GALNT14: variants seen among roughly 807,000 people sequenced by gnomAD.
GALNT14 encodes the protein UDP-GalNAc:polypeptide N-acetylgalactosaminyltransferase 14.
Under a neutral mutation model 77.5 loss-of-function variants are expected in GALNT14, and 60 were observed. The observed-to-expected ratio is 0.77, with a 90% CI of 0.63 to 0.96. The LOEUF is 0.96. GALNT14 is among the 40% of genes least tolerant of loss of function. The pLI is 0.00. For missense variants in GALNT14, 710 were observed against 731.0 expected, an observed-to-expected ratio of 0.97 and a Z score of 0.33; for synonymous variants, 280 against 281.7, an observed-to-expected ratio of 0.99 and a Z score of 0.06.
intron 1 of GALNT14, among the ~76,000 whole-genome samples, chr2:31,035,553 A>ATGTGTGTGTGTG (rs573163116): frequency 0.019 from 2,483 of 129,480 alleles, 79 homozygotes; most frequent in East Asian, 0.045. Context: ...GATAAAGAAA[A>ATGTGTGTGTGTG]TGTGTGTGTG....
Position 30,955,917 on chromosome 2 carries a change from C to A in GALNT14, c.527G>T (p.Arg176Leu), listed in dbSNP as rs141212440. The change falls in exon 5 of 15, where the codon CGG becomes CTG. Residue 176 changes from arginine to leucine, a missense_variant. Arg to Leu is a moderately radical substitution (Grantham distance 102, BLOSUM62 -2). Coordinates refer to ENST00000349752, the MANE Select transcript of GALNT14 (RefSeq NM_024572.4). The part of the protein sequence containing the change: ...PKVKCLRNNE[R>L]QGLVRSRIRG... ...GCACAACAGCTCAGACCTACCTTGC[C>A]GTTCATTATTGCGCAAGCATTTCAC... is the stretch of plus-strand genomic sequence containing the variant. The A allele has an allele frequency of 6.2e-7, 1 of 1,613,856 alleles. No individual in the cohort carries two copies. Among genetic ancestry groups the A allele is most frequent in the African/African-American group, 1.3e-5 (1 of 74,920 alleles).
chr2:31,114,835 C>T, intron 1 of GALNT14: 1 of 716,672 alleles, frequency 1.4e-6, no homozygotes, highest in East Asian at 2.7e-5. Flanking sequence ...CTCCTAAGTC[C>T]CAAAGATAAG....
At chr2:30,988,412 C>G (rs558506871) in intron 2 of GALNT14, among the ~76,000 whole-genome samples, 1 of 152,034 alleles carries the variant, frequency 6.6e-6, no homozygotes, top group African/African-American at 2.4e-5. Flanking sequence ...AGGAGCTTCT[C>G]GGTAGAGGTG....
chr2:31,041,382 G>A (rs1673084842), intron 1 of GALNT14, among the ~76,000 whole-genome samples: 1 of 152,148 alleles, frequency 6.6e-6, no homozygotes, highest in Non-Finnish European at 1.5e-5. Flanking sequence ...AAGAAGATGA[G>A]GTGCTTGGGC....
At chr2:30,901,250 G>C in the GALNT14 span, among the ~76,000 whole-genome samples, 2 of 152,196 alleles carry the variant, frequency 1.3e-5, no homozygotes, top group South Asian at 4.1e-4. Context: ...AGTACAGAAG[G>C]AAACTGTGAG....
chr2:30,945,464 T>C (rs1666632500), intron 7 of GALNT14, among the ~76,000 whole-genome samples: 1 of 152,204 alleles, frequency 6.6e-6, no homozygotes, highest in Non-Finnish European at 1.5e-5. Context: ...GAGAGGGTGG[T>C]GCCCACTGCT....
intron 1 of GALNT14, among the ~76,000 whole-genome samples, chr2:31,073,489 G>C (rs942689396): frequency 7.2e-5 from 11 of 152,098 alleles, no homozygotes; most frequent in Admixed American, 1.3e-4. Context: ...ATAAAGAGGG[G>C]GGGGGAACAG....
intron 1 of GALNT14, among the ~76,000 whole-genome samples, chr2:31,094,210 A>AT (rs1293082940): frequency 1.3e-5 from 2 of 152,168 alleles, no homozygotes; most frequent in African/African-American, 4.8e-5. Context: ...AATCTCCCCC[A>AT]TCCTTAAGAA....
At chr2:31,014,440 A>C (rs1671218322) in intron 1 of GALNT14, among the ~76,000 whole-genome samples, 1 of 152,102 alleles carries the variant, frequency 6.6e-6, no homozygotes, top group Non-Finnish European at 1.5e-5. Context: ...ACAGAGAGCA[A>C]ACTCTTTTCC....
At chr2:31,033,207 C>T (rs1303446098) in intron 1 of GALNT14, among the ~76,000 whole-genome samples, 1 of 152,144 alleles carries the variant, frequency 6.6e-6, no homozygotes, top group Non-Finnish European at 1.5e-5. Context: ...TCTCCTGCTT[C>T]TATGGACAAG....
At chr2:31,018,133 GC>G (rs1671493822) in intron 1 of GALNT14, among the ~76,000 whole-genome samples, 1 of 152,258 alleles carries the variant, frequency 6.6e-6, no homozygotes, top group South Asian at 2.1e-4. Context: ...AGAGCAAGTA[GC>G]AAGAAGGGTG....
chr2:31,012,584 C>T (rs980374532), intron 1 of GALNT14, among the ~76,000 whole-genome samples: 5 of 152,068 alleles, frequency 3.3e-5, no homozygotes, highest in Non-Finnish European at 7.3e-5. Flanking sequence ...CAAACTATGC[C>T]TTGTGGAGGA....
At chr2:31,022,475 T>TC (rs1482561868) in intron 1 of GALNT14, among the ~76,000 whole-genome samples, 1 of 152,058 alleles carries the variant, frequency 6.6e-6, no homozygotes, top group Non-Finnish European at 1.5e-5. Context: ...GGCCTTTTTT[T>TC]CCCCCAACAC....
chr2:31,094,459 C>T (rs556902308), intron 1 of GALNT14, among the ~76,000 whole-genome samples: 56 of 152,306 alleles, frequency 3.7e-4, no homozygotes, highest in African/African-American at 1.3e-3. Flanking sequence ...ATGACAGACC[C>T]GATGCCATTT....
intron 2 of GALNT14, among the ~76,000 whole-genome samples, chr2:30,975,092 G>A (rs1219836490): frequency 6.6e-6 from 1 of 152,210 alleles, no homozygotes; most frequent in Non-Finnish European, 1.5e-5. Context: ...GCTGAAGTAT[G>A]GAGCCATGAG....
chr2:31,092,547 C>T (rs541959704), intron 1 of GALNT14, among the ~76,000 whole-genome samples: 15 of 152,206 alleles, frequency 9.9e-5, no homozygotes, highest in Middle Eastern at 3.4e-3. Flanking sequence ...ACATGTGTCA[C>T]GGGAAGAATG....
chr2:30,936,675 T>C (rs1460356275), intron 9 of GALNT14, among the ~76,000 whole-genome samples: 1 of 152,194 alleles, frequency 6.6e-6, no homozygotes, highest in Non-Finnish European at 1.5e-5. Flanking sequence ...GTTCTGTTAT[T>C]ACTCTTTAAT....
intron 1 of GALNT14, among the ~76,000 whole-genome samples, chr2:31,091,549 T>C (rs570762875): frequency 2.0e-5 from 3 of 152,340 alleles, no homozygotes; most frequent in Non-Finnish European, 4.4e-5. Context: ...TTCTGGGAAT[T>C]CTATTTTAGT....
chr2:30,919,018 C>G (rs914460423), intron 13 of GALNT14, among the ~76,000 whole-genome samples: 1 of 152,178 alleles, frequency 6.6e-6, no homozygotes, highest in Non-Finnish European at 1.5e-5. Context: ...AGGGTACCCA[C>G]CTTGCATGCT....
Sources: allele counts gnomAD v4.1 joint callset (sites outside exome capture counted in the v4.1 genomes callset), GRCh38; gene constraint gnomAD v4.1.1; transcripts MANE v1.5; gene names NCBI Gene and HGNC (gene_info 2026-07-23, HGNC 2026-07-21).